Variants in BRINP2 observed in about 807,000 individuals in gnomAD.
The protein encoded by BRINP2 is BMP/retinoic acid inducible neural specific 2.
A neutral mutation model predicts 69.2 loss-of-function variants in BRINP2; 21 were observed. The ratio of observed to expected loss-of-function variants is 0.30; its 90% CI spans 0.22 to 0.44. BRINP2 has a LOEUF of 0.44. Ranked by LOEUF, BRINP2 falls within the 20% of genes least tolerant of loss-of-function variation. The pLI is 1.00. For synonymous variants in BRINP2, 380 were observed against 394.1 expected (o/e 0.96, Z 0.42); for missense variants, 877 against 986.0 (o/e 0.89, Z 1.48).
At chr1:177,274,550 C>T (rs1199106183) in intron 5 of BRINP2, among the ~76,000 whole-genome samples, 1 of 152,130 alleles carries the variant, frequency 6.6e-6, no homozygotes, top group Non-Finnish European at 1.5e-5. Context: ...CACTGATGTC[C>T]CTGGATGGGC....
chr1:177,200,043 G>A (rs1648856454), intron 1 of BRINP2, among the ~76,000 whole-genome samples: 1 of 152,034 alleles, frequency 6.6e-6, no homozygotes, highest in East Asian at 1.9e-4. Flanking sequence ...TGTAATCCCA[G>A]CACTTTGGGA....
At chr1:177,171,888 G>C (rs1452662460) in intron 1 of BRINP2, among the ~76,000 whole-genome samples, 156 bp downstream of exon 1, 1 of 152,150 alleles carries the variant, frequency 6.6e-6, no homozygotes, top group Non-Finnish European at 1.5e-5. Context: ...CCTAGTTTCT[G>C]TCTTGTGGAG....
At chr1:177,177,613 C>A (rs1648125209) in intron 1 of BRINP2, among the ~76,000 whole-genome samples, 1 of 151,738 alleles carries the variant, frequency 6.6e-6, no homozygotes, top group African/African-American at 2.4e-5. Context: ...TCTAATCCTT[C>A]TCTTTCTATT....
intron 2 of BRINP2, among the ~76,000 whole-genome samples, chr1:177,250,639 T>C (rs1650551422): frequency 6.6e-6 from 1 of 152,240 alleles, no homozygotes; most frequent in Admixed American, 6.5e-5. Context: ...CTTGTATGCA[T>C]TCTTATGGAT....
intron 2 of BRINP2, among the ~76,000 whole-genome samples, chr1:177,231,074 G>T (rs1413901510): frequency 6.6e-6 from 1 of 152,158 alleles, no homozygotes; most frequent in Non-Finnish European, 1.5e-5. Flanking sequence ...GCAACTAAAG[G>T]TTCCTGTTGT....
chr1:177,273,798 C>A (rs1651410758), intron 5 of BRINP2, among the ~76,000 whole-genome samples: 1 of 152,172 alleles, frequency 6.6e-6, no homozygotes, highest in African/African-American at 2.4e-5. Context: ...TCCTATACCC[C>A]AGACCCATTG....
chr1:177,172,822 G>T (rs1219782787), intron 1 of BRINP2, among the ~76,000 whole-genome samples: 1 of 152,166 alleles, frequency 6.6e-6, no homozygotes, highest in Non-Finnish European at 1.5e-5. Context: ...ATTATAAAAG[G>T]TCAAGCTTAT....
intron 1 of BRINP2, among the ~76,000 whole-genome samples, chr1:177,172,485 A>G (rs1217133317): frequency 6.6e-6 from 1 of 152,192 alleles, no homozygotes; most frequent in Non-Finnish European, 1.5e-5. Context: ...AGCTGTATGC[A>G]GGAAACAGGC....
At position 177,256,246 on chromosome 1, in the gene BRINP2, A is replaced by G. The variant is rs1422121173; in HGVS notation, c.460+137A>G. ...CTGAGAAGTCTTTCTGGTGCATTTG[A>G]AAACAGTGCAGTCTCTTGACATCTC... On this transcript the variant is annotated intron_variant, in intron 3 of 7. Transcript: ENST00000361539. 2.8e-6 allele frequency: 4 copies of G among 1,420,334 alleles called. No homozygotes were observed. In the Admixed American group the frequency reaches 8.2e-5, roughly 29 times the overall value. The allele number at this position is 1,420,334 out of a possible 1,614,324, so 88.0% of individuals were successfully genotyped here. A position where few individuals can be genotyped will look rare whatever the true frequency, so the allele number is the denominator to read the frequency against.
intron 7 of BRINP2, 44 bp downstream of exon 7, chr1:177,278,829 C>G: frequency 6.3e-7 from 1 of 1,581,394 alleles, no homozygotes; most frequent in South Asian, 1.1e-5. Flanking sequence ...AGCACCTCCC[C>G]TGACAGCTGC....
chr1:177,219,519 G>A lies in BRINP2; in HGVS notation c.-76-10282G>A, dbSNP rs943132943. On this transcript the variant is annotated intron_variant, in intron 1 of 7. Transcript: ENST00000361539. ...TATATTTAATTCCACAAGCTGTCAGGCAACTCATATATTTACAAACACAAT... is the reference window on the plus strand; with the variant it reads ...TATATTTAATTCCACAAGCTGTCAGACAACTCATATATTTACAAACACAAT... 2.0e-4 allele frequency among the ~76,000 whole-genome samples: 31 copies of A among 152,170 alleles called. 1 individual carries two copies. Among genetic ancestry groups the A allele is most frequent in the Non-Finnish European group, 7.3e-5 (5 of 68,032 alleles).
chr1:177,194,888 G>C (rs768380788), intron 1 of BRINP2, among the ~76,000 whole-genome samples: 26 of 152,092 alleles, frequency 1.7e-4, no homozygotes, highest in Admixed American at 3.3e-4. Flanking sequence ...TATTCTACTA[G>C]TTGGAACATT....
intron 4 of BRINP2, among the ~76,000 whole-genome samples, chr1:177,267,161 A>T (rs1430316057): frequency 6.6e-6 from 1 of 152,252 alleles, no homozygotes; most frequent in Non-Finnish European, 1.5e-5. Flanking sequence ...TACTCAAGGT[A>T]GCTTGAATAT....
At chr1:177,239,915 C>T (rs531451575) in intron 2 of BRINP2, among the ~76,000 whole-genome samples, 1 of 152,242 alleles carries the variant, frequency 6.6e-6, no homozygotes, top group Non-Finnish European at 1.5e-5. Flanking sequence ...GATCCTGCCA[C>T]CCTGCCAAGC....
At chr1:177,204,161 TG>T (rs1649000906) in intron 1 of BRINP2, among the ~76,000 whole-genome samples, 1 of 152,202 alleles carries the variant, frequency 6.6e-6, no homozygotes, top group South Asian at 2.1e-4. Context: ...TGTATTATTT[TG>T]CCCTTCACTG....
Position 177,265,853 on chromosome 1 carries a change from G to T in BRINP2, c.670-7635G>T, listed in dbSNP as rs190437261. On this transcript the variant is annotated intron_variant, in intron 4 of 7. Coordinates refer to ENST00000361539, the MANE Select transcript of BRINP2 (RefSeq NM_021165.4). ...AATAAAGTGTAGGCCAGCTGCGGTG[G>T]CTCACACCTGTAATCCTAGCACTTT... is the stretch of plus-strand genomic sequence containing the variant. 2.6e-4 allele frequency among the ~76,000 whole-genome samples: 39 copies of T among 152,120 alleles called. 1 individual carries two copies. The East Asian group carries it at 7.5e-3, about 29-fold the overall frequency.
intron 1 of BRINP2, among the ~76,000 whole-genome samples, chr1:177,175,435 A>G (rs1648062347): frequency 6.6e-6 from 1 of 152,206 alleles, no homozygotes; most frequent in African/African-American, 2.4e-5. Context: ...CCAGCCAGCT[A>G]CACACATTTG....
chr1:177,181,393 C>T (rs574032645), intron 1 of BRINP2, among the ~76,000 whole-genome samples: 171 of 152,224 alleles, frequency 1.1e-3, no homozygotes, highest in Non-Finnish European at 2.2e-3. Context: ...AACATCAGGC[C>T]CAGCGGCAGC....
At chr1:177,205,482 A>T (rs774529514) in intron 1 of BRINP2, among the ~76,000 whole-genome samples, 5 of 152,222 alleles carry the variant, frequency 3.3e-5, no homozygotes, top group Non-Finnish European at 5.9e-5. Flanking sequence ...GAGGAATAAG[A>T]CGCAAGTAAA....
Sources: gnomAD v4.1 joint callset for allele counts (sites outside exome capture counted in the v4.1 genomes callset) on GRCh38, gnomAD v4.1.1 for gene constraint, MANE v1.5 for transcripts, NCBI Gene and HGNC (gene_info 2026-07-23, HGNC 2026-07-21) for gene names.